ZNF727: variants seen among roughly 807,000 people sequenced by gnomAD.
ZNF727 encodes putative zinc finger protein 727.
In ZNF727, 11 loss-of-function variants were observed where a neutral mutation model predicts 11.5. The ratio of observed to expected loss-of-function variants is 0.95; its 90% CI spans 0.60 to 1.58. ZNF727 has a LOEUF of 1.58. ZNF727 is among the 40% of genes most tolerant of loss of function. The pLI is 0.00. For missense variants in ZNF727, 533 were observed against 581.7 expected, an observed-to-expected ratio of 0.92 and a Z score of 0.86; for synonymous variants, 171 against 196.1, an observed-to-expected ratio of 0.87 and a Z score of 1.07.
chr7:64,045,613 G>C lies in ZNF727; in HGVS notation c.-9G>C. The C allele has an allele frequency of 1.9e-6, 3 of 1,558,384 alleles. No individual in the cohort carries two copies. The highest frequency in any genetic ancestry group is 1.7e-6 in the Non-Finnish European group (2 of 1,150,670). On this transcript the variant is annotated 5_prime_UTR_variant, in exon 1 of 4. Coordinates refer to ENST00000456806, the MANE Select transcript of ZNF727 (RefSeq NM_001159522.3). ...TAGGGAAGAAGGCGGAACATCCGGA[G>C]GCTGGGAAATGGTGAGTGCGCGGAG...
chr7:64,069,623 A>G lies in ZNF727; in HGVS notation c.226+14A>G. ...CCAAACACCCAGGTAGGTGGGAGTGAGTGAAGCAAATGACATAAATGACGG... is the reference window on the plus strand; with the variant it reads ...CCAAACACCCAGGTAGGTGGGAGTGGGTGAAGCAAATGACATAAATGACGG... On this transcript the variant is annotated intron_variant, in intron 3 of 3. Transcript: ENST00000456806. 6.5e-7 allele frequency: 1 copy of G among 1,540,072 alleles called. No individual in the cohort carries two copies. Among genetic ancestry groups the G allele is most frequent in the Non-Finnish European group, 8.8e-7 (1 of 1,134,520 alleles).
intron 1 of ZNF727, among the ~76,000 whole-genome samples, chr7:64,050,073 A>C (rs981085): frequency 0.53 from 79,897 of 151,454 alleles, 22,444 homozygotes; most frequent in Non-Finnish European, 0.64. Context: ...ATATTTTTCT[A>C]TATATATATA....
chr7:64,074,065 G>A (rs935848482), intron 3 of ZNF727, among the ~76,000 whole-genome samples: 3 of 152,110 alleles, frequency 2.0e-5, no homozygotes, highest in African/African-American at 7.2e-5. Flanking sequence ...GGAAAGAAAG[G>A]TTGGGTTGGA....
rs138999115 is a variant in ZNF727 at position 64,058,691 on chromosome 7, T to A, written c.4-10200T>A. Among the ~76,000 whole-genome samples the A allele has an allele frequency of 1.3e-4, 20 of 152,310 alleles. No homozygotes were observed. The East Asian group carries it at 3.7e-3, about 28-fold the overall frequency. ...CATAGGTCCTGTAAAACTAAATAAT[T>A]CAAAATTTAAGCTGTTTGATATTCT... On this transcript the variant is annotated intron_variant, in intron 1 of 3. Transcript: ENST00000456806.
At chr7:64,055,604 T>TA (rs1168734298) in intron 1 of ZNF727, among the ~76,000 whole-genome samples, 2 of 152,252 alleles carry the variant, frequency 1.3e-5, no homozygotes, top group African/African-American at 4.8e-5. Context: ...CTCGGTCAGT[T>TA]ATGTAAGTGG....
At position 64,079,753 on chromosome 7, in the gene ZNF727, G is replaced by T. The variant is rs1785753399; in HGVS notation, c.*1204G>T. 6.6e-6 allele frequency among the ~76,000 whole-genome samples: 1 copy of T among 152,148 alleles called. No individual in the cohort carries two copies. The highest frequency in any genetic ancestry group is 1.5e-5 in the Non-Finnish European group (1 of 68,014). ...TTTGTTTATGTGGTGGCTTTATCAT[G>T]TCAGTGGTTTGTGTACTTTAGTGTG... On this transcript the variant is annotated 3_prime_UTR_variant, in exon 4 of 4. Transcript: ENST00000456806.
At position 64,078,526 on chromosome 7, in the gene ZNF727, C is replaced by T. The variant is rs772058522; in HGVS notation, c.1477C>T (p.Gln493Ter). The part of the protein sequence containing the change: ...KNVAKPLGGS[Q>*]TLLNIR ...TGTGGCAAAGCCTTTAGGTGGTTCT[C>T]AGACCTTACTAAACATAAGGTAATT... is the stretch of plus-strand genomic sequence containing the variant. The change falls in exon 4 of 4, where the codon CAG becomes TAG. Residue 493 changes from glutamine (Q) to a stop codon, truncating the protein, a stop_gained. Transcript: ENST00000456806. LOFTEE classifies it high-confidence loss of function. 4.5e-6 allele frequency: 7 copies of T among 1,559,290 alleles called. No individual in the cohort carries two copies. The highest frequency in any genetic ancestry group is 6.1e-6 in the Non-Finnish European group (7 of 1,151,764).
intron 3 of ZNF727, among the ~76,000 whole-genome samples, chr7:64,070,970 A>G (rs1169794436): frequency 1.3e-5 from 2 of 152,056 alleles, no homozygotes; most frequent in Admixed American, 1.3e-4. Context: ...TTATGGCTGA[A>G]TAATATTCTG....
At chr7:64,059,403 A>C (rs1789736981) in intron 1 of ZNF727, among the ~76,000 whole-genome samples, 1 of 152,202 alleles carries the variant, frequency 6.6e-6, no homozygotes, top group Non-Finnish European at 1.5e-5. Flanking sequence ...AGTCTTCTTA[A>C]ATTTCTTTGT....
intron 3 of ZNF727, among the ~76,000 whole-genome samples, chr7:64,070,856 G>A (rs1027396439): frequency 6.6e-6 from 1 of 151,956 alleles, no homozygotes; most frequent in Non-Finnish European, 1.5e-5. Flanking sequence ...TCTCCATAGA[G>A]GTGAGATCAT....
chr7:64,062,685 A>AATATATATAT lies in ZNF727; in HGVS notation c.4-6197_4-6188dup, dbSNP rs71057374. On this transcript the variant is annotated intron_variant, in intron 1 of 3. Coordinates refer to ENST00000456806, the MANE Select transcript of ZNF727 (RefSeq NM_001159522.3). Reference sequence around the variant, plus strand: ...GCATTCTATAACCTTCTTGTACTTGAATATATATATATATATATGAAGTTC... The same window carrying AATATATATAT: ...GCATTCTATAACCTTCTTGTACTTGAATATATATATATATATATATATATATATGAAGTTC... 1.1e-3 allele frequency among the ~76,000 whole-genome samples: 103 copies of AATATATATAT among 90,002 alleles called. 11 individuals carry two copies. The highest frequency in any genetic ancestry group is 3.9e-3 in the Admixed American group (31 of 7,936). The allele number at this position is 90,002 out of a possible 152,430, so 59.0% of individuals were successfully genotyped here.
chr7:64,063,393 G>GGT (rs1240911142), intron 1 of ZNF727, among the ~76,000 whole-genome samples: 2 of 152,120 alleles, frequency 1.3e-5, no homozygotes, highest in African/African-American at 4.8e-5. Flanking sequence ...GTACCACTTT[G>GGT]GTGGTCATAG....
At chr7:64,071,862 C>T (rs185487022) in intron 3 of ZNF727, among the ~76,000 whole-genome samples, 3 of 152,126 alleles carry the variant, frequency 2.0e-5, no homozygotes, top group African/African-American at 7.2e-5. Flanking sequence ...ACTGTGTGTT[C>T]TCTGTGGCTC....
intron 1 of ZNF727, among the ~76,000 whole-genome samples, chr7:64,064,218 A>C (rs1462371255): frequency 6.6e-6 from 1 of 152,128 alleles, no homozygotes; most frequent in African/African-American, 2.4e-5. Flanking sequence ...TGGCTGCCAC[A>C]GCTTGGATTG....
intron 1 of ZNF727, among the ~76,000 whole-genome samples, chr7:64,053,407 G>T (rs890697674): frequency 1.3e-5 from 2 of 152,056 alleles, no homozygotes; most frequent in African/African-American, 4.8e-5. Context: ...TGCAATCTCC[G>T]CCTCCTGGGT....
intron 1 of ZNF727, among the ~76,000 whole-genome samples, chr7:64,059,320 AAAG>A (rs372688350): frequency 2.0e-5 from 3 of 152,368 alleles, no homozygotes; most frequent in African/African-American, 7.2e-5. Flanking sequence ...GTTGTAAAAA[AAAG>A]GTAGAAAAAA....
intron 1 of ZNF727, among the ~76,000 whole-genome samples, chr7:64,063,928 T>C (rs1298227628): frequency 3.3e-5 from 5 of 152,066 alleles, no homozygotes; most frequent in Non-Finnish European, 7.4e-5. Context: ...CCACAGTAAG[T>C]ACTTCCAGGC....
At chr7:64,049,852 A>G (rs1299960664) in intron 1 of ZNF727, among the ~76,000 whole-genome samples, 1 of 151,488 alleles carries the variant, frequency 6.6e-6, no homozygotes, top group Non-Finnish European at 1.5e-5. Context: ...AGATTTGAGA[A>G]ACTATTTAAA....
chr7:64,064,082 G>T (rs1789824935), intron 1 of ZNF727, among the ~76,000 whole-genome samples: 1 of 152,084 alleles, frequency 6.6e-6, no homozygotes. Context: ...GCCAAGGCCT[G>T]AAATCAGTGA....
Sources: allele counts gnomAD v4.1 joint callset (sites outside exome capture counted in the v4.1 genomes callset), GRCh38; gene constraint gnomAD v4.1.1; transcripts MANE v1.5; gene names NCBI Gene and HGNC (gene_info 2026-07-23, HGNC 2026-07-21).